OTUD7B: variants seen among roughly 807,000 people sequenced by gnomAD.
The protein encoded by OTUD7B is OTU domain-containing protein 7B.
Under a neutral mutation model 82.2 loss-of-function variants are expected in OTUD7B, and 34 were observed. The ratio of observed to expected loss-of-function variants is 0.41; its 90% CI spans 0.31 to 0.55. The LOEUF (loss-of-function observed/expected upper bound fraction) is 0.55. Among genes scored for constraint, OTUD7B ranks in the 20% least tolerant of loss-of-function variants. OTUD7B has a pLI of 0.20. For synonymous variants in OTUD7B, 398 were observed against 402.7 expected (o/e 0.99, Z 0.14); for missense variants, 944 against 1,062.1 (o/e 0.89, Z 1.55).
At chr1:149,996,121 G>A (rs868934016) in intron 1 of OTUD7B, among the ~76,000 whole-genome samples, 50 of 152,242 alleles carry the variant, frequency 3.3e-4, no homozygotes, top group African/African-American at 1.2e-3. Context: ...TGTGCTACAA[G>A]AAAGAACCTG....
intron 5 of OTUD7B, 124 bp from the exon 6 acceptor site, chr1:149,964,473 C>G (rs900621876): frequency 1.2e-6 from 1 of 861,074 alleles, no homozygotes; most frequent in South Asian, 1.7e-5. Flanking sequence ...CTCAAGTGAC[C>G]CCCCTGCCTT....
intron 11 of OTUD7B, 93 bp from the exon 12 acceptor site, chr1:149,945,158 G>T: frequency 6.7e-7 from 1 of 1,487,522 alleles, no homozygotes; most frequent in South Asian, 1.4e-5. Context: ...CTGGCTCAGG[G>T]AGCTCCCTGC....
chr1:149,947,454 G>T (rs1423869378), intron 10 of OTUD7B, 119 bp from the exon 11 acceptor site: 1 of 586,780 alleles, frequency 1.7e-6, no homozygotes, highest in Admixed American at 2.6e-5. Context: ...GGTTGGGTTT[G>T]AACTATTTCT....
Sources: gnomAD v4.1 joint callset for allele counts (sites outside exome capture counted in the v4.1 genomes callset) on GRCh38, gnomAD v4.1.1 for gene constraint, MANE v1.5 for transcripts, NCBI Gene and HGNC (gene_info 2026-07-23, HGNC 2026-07-21) for gene names.